The following FUT9 variants were observed in gnomAD, a reference collection of about 807,000 sequenced individuals.
The protein encoded by FUT9 is 4-galactosyl-N-acetylglucosaminide 3-alpha-L-fucosyltransferase 9.
In FUT9, 15 loss-of-function variants were observed where a neutral mutation model predicts 29.7. The observed-to-expected ratio is 0.51, with a 90% CI of 0.34 to 0.78. The LOEUF (loss-of-function observed/expected upper bound fraction) is 0.78, where lower values mean the gene tolerates loss of function less well. Among genes scored for constraint, FUT9 ranks in the 30% least tolerant of loss-of-function variants. The probability of loss-of-function intolerance (pLI) is 0.01; values close to 1 mark genes in which losing one functional copy is unlikely to be tolerated. For missense variants in FUT9, 319 were observed against 425.4 expected, an observed-to-expected ratio of 0.75 and a Z score of 2.20; for synonymous variants, 169 against 153.7, an observed-to-expected ratio of 1.10 and a Z score of -0.74.
chr6:96,152,081 T>C (rs924369214), intron 2 of FUT9, among the ~76,000 whole-genome samples: 3 of 152,274 alleles, frequency 2.0e-5, no homozygotes, highest in South Asian at 4.1e-4. Flanking sequence ...CATTTTTACA[T>C]AGGGAGAGAT....
chr6:96,106,642 A>G (rs1396606583), intron 1 of FUT9, among the ~76,000 whole-genome samples: 4 of 152,192 alleles, frequency 2.6e-5, no homozygotes, highest in African/African-American at 9.6e-5. Flanking sequence ...TATGAAGTGC[A>G]TTGCAGTCTT....
chr6:96,193,017 G>A (rs1385078917), intron 2 of FUT9, among the ~76,000 whole-genome samples: 5 of 151,592 alleles, frequency 3.3e-5, no homozygotes, highest in South Asian at 4.2e-4. Flanking sequence ...AACCTGAAAC[G>A]GGATCCCTTC....
chr6:96,140,094 C>T (rs1211220245), intron 2 of FUT9, among the ~76,000 whole-genome samples: 2 of 152,130 alleles, frequency 1.3e-5, no homozygotes, highest in Non-Finnish European at 2.9e-5. Context: ...TCCAGATACC[C>T]TAAATTATCT....
At chr6:96,119,119 T>C (rs1432228367) in intron 2 of FUT9, among the ~76,000 whole-genome samples, 3 of 152,162 alleles carry the variant, frequency 2.0e-5, no homozygotes, top group South Asian at 2.1e-4. Context: ...TGTACAGTGT[T>C]TATAAAGTCT....
rs891409315 is a variant in FUT9 at position 96,207,085 on chromosome 6, T to C, written c.*2850T>C. 1 of 166,992 alleles carries C rather than the reference T, an allele frequency of 6.0e-6. No homozygotes were observed. Among genetic ancestry groups the C allele is most frequent in the Non-Finnish European group, 1.5e-5 (1 of 68,112 alleles). The allele number at this position is 166,992 out of a possible 1,614,324, so 10.3% of individuals were successfully genotyped here. ...ATGGAACCCTTTAGCTGTGGGTCCA[T>C]TGATGTGTGAGTTTTAGAGCTGGAA... On this transcript the variant is annotated 3_prime_UTR_variant, in exon 3 of 3. Transcript: ENST00000302103.
intron 2 of FUT9, among the ~76,000 whole-genome samples, chr6:96,180,475 A>AT (rs1773284900): frequency 6.6e-6 from 1 of 152,074 alleles, no homozygotes; most frequent in South Asian, 2.1e-4. Context: ...TCCTGTTTAC[A>AT]TTTTTTAAAT....
chr6:96,030,053 G>A (rs907508394), intron 1 of FUT9, among the ~76,000 whole-genome samples: 1 of 151,548 alleles, frequency 6.6e-6, no homozygotes, highest in African/African-American at 2.4e-5. Context: ...TTTTTCTGAT[G>A]ACCAGAACTC....
At chr6:96,189,793 T>C (rs1773472425) in intron 2 of FUT9, among the ~76,000 whole-genome samples, 2 of 152,164 alleles carry the variant, frequency 1.3e-5, no homozygotes, top group South Asian at 2.1e-4. Context: ...TTTGAGCCTA[T>C]GTGTGTCTCT....
intron 2 of FUT9, among the ~76,000 whole-genome samples, chr6:96,136,206 C>A (rs540617429): frequency 1.3e-5 from 2 of 151,728 alleles, no homozygotes; most frequent in Admixed American, 1.3e-4. Flanking sequence ...TTAAGAAATG[C>A]ATTTGAGGAA....
chr6:96,130,068 A>C (rs1772212780), intron 2 of FUT9, among the ~76,000 whole-genome samples: 1 of 152,148 alleles, frequency 6.6e-6, no homozygotes, highest in Non-Finnish European at 1.5e-5. Context: ...TCAATAAAAT[A>C]ACATTGGGAG....
chr6:96,094,509 A>G (rs1273013978), intron 1 of FUT9, among the ~76,000 whole-genome samples: 2 of 152,166 alleles, frequency 1.3e-5, no homozygotes, highest in Non-Finnish European at 2.9e-5. Context: ...TATGATGAGA[A>G]TGACTCTGCT....
intron 2 of FUT9, among the ~76,000 whole-genome samples, chr6:96,137,392 T>C (rs1158159518): frequency 6.6e-6 from 1 of 152,082 alleles, no homozygotes; most frequent in African/African-American, 2.4e-5. Flanking sequence ...GAAAGGCAGA[T>C]GTGTCATACA....
rs1391283796 is a variant in FUT9, at chr6:96,164,274, T to G, written c.-8-38874T>G. On this transcript the variant is annotated intron_variant, in intron 2 of 2. Transcript: ENST00000302103. ...GGTTCTTTTTTTTTTTTTTTTTTTT[T>G]GAGACGGAGTCTTGCTCTCTTTCGC... Among the ~76,000 whole-genome samples the G allele has an allele frequency of 2.0e-4, 28 of 137,372 alleles. 1 individual carries two copies. The highest frequency in any genetic ancestry group is 4.4e-4 in the South Asian group (2 of 4,500). The allele number at this position is 137,372 out of a possible 152,430, so 90.1% of individuals were successfully genotyped here. A position where few individuals can be genotyped will look rare whatever the true frequency, so the allele number is the denominator to read the frequency against.
chr6:96,067,043 T>C (rs2127946147), intron 1 of FUT9, among the ~76,000 whole-genome samples: 1 of 152,006 alleles, frequency 6.6e-6, no homozygotes, highest in South Asian at 2.1e-4. Flanking sequence ...GTGCAGAGTA[T>C]TGTATATTGT....
intron 2 of FUT9, among the ~76,000 whole-genome samples, chr6:96,182,135 G>A (rs1367437188): frequency 6.6e-6 from 1 of 151,840 alleles, no homozygotes; most frequent in African/African-American, 2.4e-5. Flanking sequence ...AGGAGTAAGG[G>A]TATCACCTTG....
At chr6:96,070,590 A>C (rs1196591265) in intron 1 of FUT9, among the ~76,000 whole-genome samples, 2 of 152,054 alleles carry the variant, frequency 1.3e-5, no homozygotes, top group Non-Finnish European at 2.9e-5. Flanking sequence ...GGGAGGCTGA[A>C]GTGGGAGGAT....
At chr6:96,173,775 A>T (rs112159230) in intron 2 of FUT9, among the ~76,000 whole-genome samples, 3 of 151,582 alleles carry the variant, frequency 2.0e-5, no homozygotes, top group African/African-American at 4.8e-5. Flanking sequence ...AATCACACAA[A>T]TTTTTTTTCT....
intron 2 of FUT9, among the ~76,000 whole-genome samples, chr6:96,159,524 A>T (rs1177408220): frequency 1.3e-5 from 2 of 152,138 alleles, no homozygotes; most frequent in African/African-American, 4.8e-5. Context: ...AAAATGTGTA[A>T]TTTGTAGAAA....
rs1003878566 is a variant in FUT9 at position 96,205,621 on chromosome 6, A to AGCAGAGAT, written c.*1387_*1394dup. 3 of 166,896 alleles carry AGCAGAGAT rather than the reference A, an allele frequency of 1.8e-5. No homozygotes were observed. Among genetic ancestry groups the AGCAGAGAT allele is most frequent in the African/African-American group, 7.2e-5 (3 of 41,438 alleles). The allele number at this position is 166,896 out of a possible 1,614,324, so 10.3% of individuals were successfully genotyped here. A position where few individuals can be genotyped will look rare whatever the true frequency, so the allele number is the denominator to read the frequency against. Reference sequence around the variant, plus strand: ...TAAGGCTAGAGGAGAGCTGGATATAAGCAGAGATCGTAGGTGAAAAAAGAT... The same window carrying AGCAGAGAT: ...TAAGGCTAGAGGAGAGCTGGATATAAGCAGAGATGCAGAGATCGTAGGTGAAAAAAGAT... On this transcript the variant is annotated 3_prime_UTR_variant, in exon 3 of 3. Transcript: ENST00000302103.
Sources: gnomAD v4.1 joint callset for allele counts (sites outside exome capture counted in the v4.1 genomes callset) on GRCh38, gnomAD v4.1.1 for gene constraint, MANE v1.5 for transcripts, NCBI Gene and HGNC (gene_info 2026-07-23, HGNC 2026-07-21) for gene names.